Variants in ITFG1 observed in about 807,000 individuals in gnomAD.
The protein encoded by ITFG1 is integrin alpha FG-GAP repeat containing 1.
Under a neutral mutation model 81.8 loss-of-function variants are expected in ITFG1, and 34 were observed. The observed-to-expected ratio is 0.42, with a 90% confidence interval of 0.32 to 0.55. The LOEUF is 0.55. ITFG1 is among the 20% of genes least tolerant of loss of function. The pLI is 0.17. For synonymous variants in ITFG1, 285 were observed against 270.6 expected (o/e 1.05, Z -0.52); for missense variants, 672 against 755.4 (o/e 0.89, Z 1.29).
At chr16:47,336,623 A>G (rs1967706819) in intron 8 of ITFG1, among the ~76,000 whole-genome samples, 1 of 152,228 alleles carries the variant, frequency 6.6e-6, no homozygotes, top group Non-Finnish European at 1.5e-5. Context: ...GGATCAAGTC[A>G]TACAACGGCA....
intron 14 of ITFG1, among the ~76,000 whole-genome samples, chr16:47,199,638 T>G (rs1965400528): frequency 6.6e-6 from 1 of 152,178 alleles, no homozygotes; most frequent in Non-Finnish European, 1.5e-5. Flanking sequence ...CACCAGGAAC[T>G]GGTTTTGTGG....
chr16:47,173,892 T>G (rs920388945), intron 14 of ITFG1, among the ~76,000 whole-genome samples: 1 of 152,072 alleles, frequency 6.6e-6, no homozygotes, highest in Non-Finnish European at 1.5e-5. Flanking sequence ...AATACAAAAT[T>G]AGCTGGGCAT....
chr16:47,454,950 C>T (rs1969433654), intron 2 of ITFG1, among the ~76,000 whole-genome samples: 1 of 152,144 alleles, frequency 6.6e-6, no homozygotes, highest in Admixed American at 6.5e-5. Context: ...TTTCTTAATG[C>T]ATCAGTGGTA....
At chr16:47,344,769 C>T (rs1226499697) in intron 8 of ITFG1, among the ~76,000 whole-genome samples, 6 of 152,136 alleles carry the variant, frequency 3.9e-5, no homozygotes, top group Non-Finnish European at 8.8e-5. Context: ...TGTCTATGTC[C>T]ATTTCAATTG....
At chr16:47,351,675 T>C (rs892314821) in intron 8 of ITFG1, among the ~76,000 whole-genome samples, 1 of 152,228 alleles carries the variant, frequency 6.6e-6, no homozygotes, top group African/African-American at 2.4e-5. Flanking sequence ...CGCATCAAGC[T>C]ACCAGTGACT....
At chr16:47,306,873 T>A (rs1967170053) in intron 10 of ITFG1, among the ~76,000 whole-genome samples, 1 of 151,482 alleles carries the variant, frequency 6.6e-6, no homozygotes, top group Admixed American at 6.6e-5. Context: ...GGCGGGTGGA[T>A]CACAAGGTCA....
chr16:47,183,497 T>G (rs1270199022), intron 14 of ITFG1, among the ~76,000 whole-genome samples: 1 of 152,166 alleles, frequency 6.6e-6, no homozygotes, highest in East Asian at 1.9e-4. Flanking sequence ...CCAGGCAGCC[T>G]AACTGGGAGG....
chr16:47,252,971 T>C (rs907577514), intron 12 of ITFG1, among the ~76,000 whole-genome samples: 1 of 152,202 alleles, frequency 6.6e-6, no homozygotes, highest in East Asian at 1.9e-4. Context: ...TCCTGTGACC[T>C]TTCTGTAAAT....
At chr16:47,287,247 T>C (rs770825703) in intron 10 of ITFG1, among the ~76,000 whole-genome samples, 2 of 152,254 alleles carry the variant, frequency 1.3e-5, no homozygotes, top group African/African-American at 2.4e-5. Context: ...TATTTACATA[T>C]AATTTTTTCT....
chr16:47,367,530 A>G (rs1968192552), intron 7 of ITFG1, among the ~76,000 whole-genome samples: 1 of 152,230 alleles, frequency 6.6e-6, no homozygotes, highest in Admixed American at 6.5e-5. Flanking sequence ...TAGGTCTTTC[A>G]GAAGTTCTAT....
At chr16:47,323,481 T>C (rs1284704049) in intron 8 of ITFG1, among the ~76,000 whole-genome samples, 3 of 152,162 alleles carry the variant, frequency 2.0e-5, no homozygotes, top group Non-Finnish European at 4.4e-5. Context: ...ATGTGGCTAT[T>C]ATCAGATGTG....
At chr16:47,428,500 A>C (rs373356531) in intron 6 of ITFG1, among the ~76,000 whole-genome samples, 2 of 151,852 alleles carry the variant, frequency 1.3e-5, no homozygotes, top group African/African-American at 2.4e-5. Flanking sequence ...TATTTTAAAA[A>C]TTTTTAATAA....
At chr16:47,183,643 C>A (rs1965165374) in intron 14 of ITFG1, among the ~76,000 whole-genome samples, 1 of 152,132 alleles carries the variant, frequency 6.6e-6, no homozygotes. Context: ...CTGTACATCA[C>A]CATCATCAAA....
chr16:47,414,783 A>C (rs1371447210), intron 6 of ITFG1, among the ~76,000 whole-genome samples: 1 of 152,218 alleles, frequency 6.6e-6, no homozygotes, highest in Non-Finnish European at 1.5e-5. Flanking sequence ...GAACTGTTTT[A>C]ATTTCTTACC....
intron 13 of ITFG1, among the ~76,000 whole-genome samples, chr16:47,226,439 G>T (rs529120646): frequency 2.6e-5 from 4 of 152,236 alleles, no homozygotes; most frequent in African/African-American, 9.6e-5. Flanking sequence ...TGTTACATAT[G>T]TATACATGTG....
chr16:47,211,049 A>G (rs543532003), intron 14 of ITFG1, among the ~76,000 whole-genome samples: 55 of 152,250 alleles, frequency 3.6e-4, no homozygotes, highest in African/African-American at 1.2e-3. Flanking sequence ...GAAATTGTCT[A>G]TATCTACAAA....
intron 8 of ITFG1, among the ~76,000 whole-genome samples, chr16:47,331,656 C>T (rs1338906977): frequency 6.6e-6 from 1 of 151,974 alleles, no homozygotes; most frequent in South Asian, 2.1e-4. Flanking sequence ...CCATAATATT[C>T]TAAATAAACA....
At chr16:47,381,821 A>T (rs1968399819) in intron 6 of ITFG1, among the ~76,000 whole-genome samples, 1 of 152,256 alleles carries the variant, frequency 6.6e-6, no homozygotes, top group East Asian at 1.9e-4. Context: ...TTGCAGCAGC[A>T]GTTTAATTGC....
At chr16:47,220,584 A>T (rs902889669) in intron 13 of ITFG1, among the ~76,000 whole-genome samples, 2 of 152,218 alleles carry the variant, frequency 1.3e-5, no homozygotes, top group African/African-American at 4.8e-5. Context: ...TACTTAAGAA[A>T]CTGTTCTGAG....
Sources: gnomAD v4.1 joint callset for allele counts (sites outside exome capture counted in the v4.1 genomes callset) on GRCh38, gnomAD v4.1.1 for gene constraint, MANE v1.5 for transcripts, NCBI Gene and HGNC (gene_info 2026-07-23, HGNC 2026-07-21) for gene names.